SEMA5A: variants seen among roughly 807,000 people sequenced by gnomAD.
The protein encoded by SEMA5A is semaphorin 5A, also known as semaphorin-5A.
Under a neutral mutation model 135.5 loss-of-function variants are expected in SEMA5A, and 55 were observed. The observed-to-expected ratio is 0.41, with a 90% CI of 0.33 to 0.51. SEMA5A has a LOEUF of 0.51. Ranked by LOEUF, SEMA5A falls within the 20% of genes least tolerant of loss-of-function variation. The pLI, the probability that SEMA5A is intolerant of heterozygous loss-of-function variation, is 0.37. For missense variants in SEMA5A, 1,290 were observed against 1,419.9 expected (o/e 0.91, Z 1.47); for synonymous variants, 580 against 546.5 (o/e 1.06, Z -0.85).
At chr5:9,312,029 T>G (rs1397077918) in intron 5 of SEMA5A, among the ~76,000 whole-genome samples, 1 of 152,144 alleles carries the variant, frequency 6.6e-6, no homozygotes, top group Non-Finnish European at 1.5e-5. Flanking sequence ...GACAGTGAGG[T>G]TAAATGAGCT....
chr5:9,054,854 C>A (rs901676183), intron 18 of SEMA5A, among the ~76,000 whole-genome samples: 11 of 152,214 alleles, frequency 7.2e-5, no homozygotes, highest in Admixed American at 2.6e-4. Context: ...AGTACAGCCA[C>A]ACAGACTTGA....
At chr5:9,251,581 A>G (rs1018590020) in intron 5 of SEMA5A, among the ~76,000 whole-genome samples, 1 of 152,218 alleles carries the variant, frequency 6.6e-6, no homozygotes, top group Non-Finnish European at 1.5e-5. Context: ...GATCAGCACT[A>G]TGAGATTAAC....
chr5:9,293,036 T>C (rs1217510568), intron 5 of SEMA5A, among the ~76,000 whole-genome samples: 2 of 152,194 alleles, frequency 1.3e-5, no homozygotes, highest in African/African-American at 4.8e-5. Context: ...TCCTTTCTTG[T>C]GGTCATCTCC....
In SEMA5A at chr5:9,226,970, G is replaced by C. The variant is rs1015168233; in HGVS notation, c.334-3C>G. ...CGGATGTAGTTCTGACATTCCTCCT[G>C]AGGGAAAATAAATAAATTAATTAAA... On this transcript the variant is annotated splice_polypyrimidine_tract_variant and splice_region_variant and intron_variant, in intron 6 of 22. Coordinates refer to ENST00000382496, the MANE Select transcript of SEMA5A (RefSeq NM_003966.3). 1.4e-6 allele frequency: 2 copies of C among 1,474,622 alleles called. No homozygotes were observed. The highest frequency in any genetic ancestry group is 1.8e-6 in the Non-Finnish European group (2 of 1,105,808). 91.3% of individuals were successfully genotyped at this position (1,474,622 alleles called of 1,614,324 possible). A position where few individuals can be genotyped will look rare whatever the true frequency, so the allele number is the denominator to read the frequency against.
At chr5:9,519,761 C>A (rs1736719306) in intron 1 of SEMA5A, 1 of 152,236 alleles carries the variant, frequency 6.6e-6, no homozygotes, top group East Asian at 1.9e-4. Context: ...CCAGCTCAGA[C>A]CAACCCAGCC....
chr5:9,153,755 C>T (rs1742767519), intron 12 of SEMA5A, among the ~76,000 whole-genome samples: 1 of 151,904 alleles, frequency 6.6e-6, no homozygotes, highest in Non-Finnish European at 1.5e-5. Context: ...AAATAAAATA[C>T]AAGCTTGAGG....
At chr5:9,484,303 C>G (rs1237245667) in intron 1 of SEMA5A, among the ~76,000 whole-genome samples, 2 of 152,190 alleles carry the variant, frequency 1.3e-5, no homozygotes, top group Non-Finnish European at 2.9e-5. Flanking sequence ...GAATTAGCCA[C>G]CAACATGATT....
intron 5 of SEMA5A, among the ~76,000 whole-genome samples, chr5:9,245,963 G>A (rs929256340): frequency 1.3e-5 from 2 of 151,766 alleles, no homozygotes; most frequent in African/African-American, 4.8e-5. Context: ...ACCCTGCTGG[G>A]ATGATCTTTT....
chr5:9,197,560 T>C (rs1345971540), intron 9 of SEMA5A, among the ~76,000 whole-genome samples: 2 of 152,192 alleles, frequency 1.3e-5, no homozygotes, highest in African/African-American at 4.8e-5. Flanking sequence ...TTCACTCAGT[T>C]GCAACAGGGG....
intron 4 of SEMA5A, among the ~76,000 whole-genome samples, chr5:9,332,062 C>A (rs13355242): frequency 0.094 from 13,907 of 147,752 alleles, 1,554 homozygotes; most frequent in African/African-American, 0.27. Context: ...GTGTGCAAGG[C>A]GTGCAGTTAT....
chr5:9,048,079 A>C (rs1736368200), intron 21 of SEMA5A, among the ~76,000 whole-genome samples: 1 of 151,352 alleles, frequency 6.6e-6, no homozygotes, highest in Admixed American at 6.6e-5. Flanking sequence ...GAGAATGGGA[A>C]CACTTATAAA....
intron 22 of SEMA5A, 49 bp from the exon 23 acceptor site, chr5:9,043,065 T>TC: frequency 6.7e-7 from 1 of 1,486,896 alleles, no homozygotes; most frequent in Non-Finnish European, 9.3e-7. Flanking sequence ...TGAGTAGCAT[T>TC]TCAGAAATAA....
At chr5:9,533,855 G>C (rs577045736) in intron 1 of SEMA5A, among the ~76,000 whole-genome samples, 1 of 152,134 alleles carries the variant, frequency 6.6e-6, no homozygotes. Flanking sequence ...GCTGGAACCC[G>C]TGGCCCCCTT....
intron 2 of SEMA5A, among the ~76,000 whole-genome samples, chr5:9,432,040 G>A (rs1438114853): frequency 1.3e-5 from 2 of 152,206 alleles, no homozygotes; most frequent in Non-Finnish European, 2.9e-5. Flanking sequence ...AGAACAGAGA[G>A]AGAGGCAAGA....
intron 11 of SEMA5A, among the ~76,000 whole-genome samples, chr5:9,182,579 G>C (rs568537834): frequency 6.6e-6 from 1 of 151,990 alleles, no homozygotes; most frequent in Non-Finnish European, 1.5e-5. Flanking sequence ...ACCAATGTTT[G>C]CTTCATTGAG....
chr5:9,527,209 C>A (rs1229586622), intron 1 of SEMA5A, among the ~76,000 whole-genome samples: 1 of 152,048 alleles, frequency 6.6e-6, no homozygotes, highest in Non-Finnish European at 1.5e-5. Flanking sequence ...TGCAGCCAGA[C>A]CTAGGAGACC....
intron 11 of SEMA5A, among the ~76,000 whole-genome samples, chr5:9,166,481 A>T (rs1386552011): frequency 6.6e-6 from 1 of 152,220 alleles, no homozygotes; most frequent in African/African-American, 2.4e-5. Context: ...GACACGTTGT[A>T]TAAGAGTTTG....
intron 21 of SEMA5A, among the ~76,000 whole-genome samples, chr5:9,049,323 G>A (rs1736441817): frequency 6.6e-6 from 1 of 152,076 alleles, no homozygotes; most frequent in African/African-American, 2.4e-5. Flanking sequence ...CATCATGCCA[G>A]CTAATTTTTA....
chr5:9,237,603 C>T (rs1747979304), intron 6 of SEMA5A: 1 of 374,604 alleles, frequency 2.7e-6, no homozygotes, highest in Admixed American at 4.4e-5. Context: ...CAAATTAGCT[C>T]TGATCTTCTT....
Sources: allele counts gnomAD v4.1 joint callset (sites outside exome capture counted in the v4.1 genomes callset), GRCh38; gene constraint gnomAD v4.1.1; transcripts MANE v1.5; gene names NCBI Gene and HGNC (gene_info 2026-07-23, HGNC 2026-07-21).